The following PDE4D variants were observed in gnomAD, a reference collection of about 807,000 sequenced individuals.
PDE4D encodes the protein 3',5'-cyclic-AMP phosphodiesterase 4D.
In PDE4D, 24 loss-of-function variants were observed where a neutral mutation model predicts 87.4. The ratio of observed to expected loss-of-function variants is 0.27; its 90% CI spans 0.20 to 0.39. The LOEUF (loss-of-function observed/expected upper bound fraction) is 0.39. PDE4D is among the 10% of genes least tolerant of loss of function. The probability of loss-of-function intolerance (pLI) is 1.00; values close to 1 mark genes in which losing one functional copy is unlikely to be tolerated. For synonymous variants in PDE4D, 384 were observed against 383.2 expected, an observed-to-expected ratio of 1.00 and a Z score of -0.02; for missense variants, 714 against 1,041.0, an observed-to-expected ratio of 0.69 and a Z score of 4.32.
At chr5:60,169,252 T>C (rs1041332731) in intron 2 of PDE4D, among the ~76,000 whole-genome samples, 1 of 152,074 alleles carries the variant, frequency 6.6e-6, no homozygotes, top group Non-Finnish European at 1.5e-5. Flanking sequence ...ATCCATAATC[T>C]TGCAGTAGAA....
chr5:60,456,663 A>G (rs1746487648), intron 1 of PDE4D, among the ~76,000 whole-genome samples: 1 of 152,170 alleles, frequency 6.6e-6, no homozygotes, highest in East Asian at 1.9e-4. Flanking sequence ...ACTCTCAGTG[A>G]CCAAACAGAG....
intron 1 of PDE4D, among the ~76,000 whole-genome samples, chr5:59,725,822 G>T (rs888483087): frequency 2.1e-5 from 3 of 142,748 alleles, no homozygotes; most frequent in Non-Finnish European, 4.8e-5. Context: ...ATTAAAGTTA[G>T]TTGTTTTTTT....
chr5:60,113,822 C>CA (rs1253688594), intron 2 of PDE4D, among the ~76,000 whole-genome samples: 1 of 151,842 alleles, frequency 6.6e-6, no homozygotes, highest in Non-Finnish European at 1.5e-5. Flanking sequence ...ACAACAAGAA[C>CA]AAAAAAAATT....
At chr5:59,690,804 T>G (rs1193307728) in intron 1 of PDE4D, among the ~76,000 whole-genome samples, 4 of 152,054 alleles carry the variant, frequency 2.6e-5, no homozygotes, top group Non-Finnish European at 5.9e-5. Flanking sequence ...GGGAGAAAAT[T>G]TTTATAATCT....
Position 59,470,772 on chromosome 5 carries a change from A to G in PDE4D, c.456-254804T>C, listed in dbSNP as rs138711362. Among the ~76,000 whole-genome samples the G allele has an allele frequency of 5.2e-3, 792 of 152,296 alleles. 10 individuals are homozygous for G. Among genetic ancestry groups the G allele is most frequent in the African/African-American group, 0.017 (709 of 41,564 alleles). On this transcript the variant is annotated intron_variant, in intron 1 of 14. Coordinates refer to ENST00000340635, the MANE Select transcript of PDE4D (RefSeq NM_001104631.2). Reference sequence around the variant, plus strand: ...CAGGATAGATGTTGTGGCATATTTAAAAGGATAAAAATGTACTTCAGAAAA... The same window carrying G: ...CAGGATAGATGTTGTGGCATATTTAGAAGGATAAAAATGTACTTCAGAAAA...
chr5:59,649,325 G>C (rs145477793), intron 1 of PDE4D, among the ~76,000 whole-genome samples: 2 of 152,286 alleles, frequency 1.3e-5, no homozygotes, highest in East Asian at 3.9e-4. Flanking sequence ...TAAATCCAAA[G>C]CATTTTCATA....
chr5:60,092,447 C>T (rs1775235985), intron 2 of PDE4D, among the ~76,000 whole-genome samples: 1 of 152,056 alleles, frequency 6.6e-6, no homozygotes, highest in African/African-American at 2.4e-5. Flanking sequence ...TTGGAATGTT[C>T]CCAGCACAAA....
intron 3 of PDE4D, among the ~76,000 whole-genome samples, chr5:59,899,803 T>C (rs1005586966): frequency 6.6e-6 from 1 of 152,014 alleles, no homozygotes; most frequent in South Asian, 2.1e-4. Context: ...GAATAGTAAA[T>C]CAACCAGTGG....
At chr5:59,099,711 C>T (rs554009189) in intron 5 of PDE4D, among the ~76,000 whole-genome samples, 1 of 152,292 alleles carries the variant, frequency 6.6e-6, no homozygotes, top group African/African-American at 2.4e-5. Context: ...TCTCCTGAAA[C>T]TGACATTCTC....
chr5:60,424,054 C>A lies in PDE4D; in HGVS notation c.-90+63888G>T, dbSNP rs567116351. 7.2e-5 allele frequency among the ~76,000 whole-genome samples: 11 copies of A among 152,176 alleles called. No homozygotes were observed. The East Asian group carries it at 2.1e-3, about 29-fold the overall frequency. On this transcript the variant is annotated intron_variant, in intron 1 of 16. Transcript: ENST00000502484. The stretch of plus-strand genomic sequence containing the variant: ...ATTAAGGCAATAATTAATAGCCTAC[C>A]AACCAAAAAAAGTCCAGGACCCGAT...
chr5:60,390,976 C>G (rs563105349), intron 1 of PDE4D, among the ~76,000 whole-genome samples: 3 of 152,314 alleles, frequency 2.0e-5, no homozygotes, highest in African/African-American at 7.2e-5. Context: ...AACATGCACA[C>G]ATATACACAT....
chr5:59,033,694 C>T (rs976851776), intron 6 of PDE4D, among the ~76,000 whole-genome samples: 2 of 152,096 alleles, frequency 1.3e-5, no homozygotes, highest in African/African-American at 4.8e-5. Context: ...TTAATCTACC[C>T]ATAACATTAG....
intron 1 of PDE4D, among the ~76,000 whole-genome samples, chr5:59,454,484 C>T (rs371387327): frequency 6.6e-5 from 10 of 152,294 alleles, no homozygotes; most frequent in African/African-American, 2.4e-4. Flanking sequence ...AGCCTTCCGC[C>T]ATGATTGTGA....
rs57572403 is a variant in PDE4D, at chr5:59,175,781, A to ATTTTTTTTT, written c.808+4805_808+4813dup. 1.8e-3 allele frequency among the ~76,000 whole-genome samples: 166 copies of ATTTTTTTTT among 94,568 alleles called. 2 individuals carry two copies. The highest frequency in any genetic ancestry group is 6.4e-3 in the African/African-American group (159 of 24,928). The allele number at this position is 94,568 out of a possible 152,430, so 62.0% of individuals were successfully genotyped here. The stretch of plus-strand genomic sequence containing the variant: ...GCATGAGCCACCATGCCCGGCCTCC[A>ATTTTTTTTT]TTTTTTTTTTTTTTTTTTTTTTTTT... On this transcript the variant is annotated intron_variant, in intron 5 of 14. Transcript: ENST00000340635.
intron 5 of PDE4D, among the ~76,000 whole-genome samples, chr5:59,150,716 A>G (rs1329750768): frequency 1.3e-5 from 2 of 152,190 alleles, no homozygotes; most frequent in African/African-American, 2.4e-5. Flanking sequence ...CCAATAATCT[A>G]TAATATTTAA....
At chr5:60,440,408 G>A (rs77969424) in intron 1 of PDE4D, among the ~76,000 whole-genome samples, 3,473 of 152,132 alleles carry the variant, frequency 0.023, 117 homozygotes, top group African/African-American at 0.08. Context: ...AGATTTCTTC[G>A]TGTGTAATTA....
intron 2 of PDE4D, among the ~76,000 whole-genome samples, chr5:59,198,844 T>C (rs553749717): frequency 6.6e-6 from 1 of 152,124 alleles, no homozygotes; most frequent in African/African-American, 2.4e-5. Context: ...GAAATCCAAA[T>C]GCCCACACTC....
At chr5:60,362,989 TA>T (rs1206877085) in intron 1 of PDE4D, among the ~76,000 whole-genome samples, 5 of 152,218 alleles carry the variant, frequency 3.3e-5, no homozygotes, top group Non-Finnish European at 7.3e-5. Context: ...TTTCAGGGTT[TA>T]AAAACTGTCT....
Position 60,082,111 on chromosome 5 carries a change from C to T in PDE4D, c.43-93394G>A, listed in dbSNP as rs117787227. 5.1e-4 allele frequency among the ~76,000 whole-genome samples: 78 copies of T among 152,298 alleles called. 1 individual carries two copies. The East Asian group carries it at 0.014, about 26-fold the overall frequency. The stretch of plus-strand genomic sequence containing the variant: ...AAGGGACATTTCCTCTCATCTTCCT[C>T]ACCCTCTATGTTAGGGAATGAATGT... On this transcript the variant is annotated intron_variant, in intron 2 of 16. Coordinates refer to the PDE4D transcript ENST00000502484.
Sources: gnomAD v4.1 joint callset for allele counts (sites outside exome capture counted in the v4.1 genomes callset) on GRCh38, gnomAD v4.1.1 for gene constraint, MANE v1.5 for transcripts, NCBI Gene and HGNC (gene_info 2026-07-23, HGNC 2026-07-21) for gene names.